ACTR3B: variants seen among roughly 807,000 people sequenced by gnomAD.
ACTR3B encodes the protein actin related protein 3B, also known as actin-related protein 3B.
ACTR3B carries 8 observed loss-of-function variants against 59.0 expected under a neutral mutation model. The ratio of observed to expected loss-of-function variants is 0.14; its 90% CI spans 0.08 to 0.24. The LOEUF (loss-of-function observed/expected upper bound fraction) is 0.24. Among genes scored for constraint, ACTR3B ranks in the 10% least tolerant of loss-of-function variants. The pLI, the probability that ACTR3B is intolerant of heterozygous loss-of-function variation, is 1.00. For missense variants in ACTR3B, 245 were observed against 552.3 expected (o/e 0.44, Z 5.58); for synonymous variants, 148 against 197.9 (o/e 0.75, Z 2.12).
At chr7:152,768,852 T>G (rs903707383) in intron 1 of ACTR3B, among the ~76,000 whole-genome samples, 1 of 151,640 alleles carries the variant, frequency 6.6e-6, no homozygotes, top group Non-Finnish European at 1.5e-5. Context: ...ATTTAGGGCT[T>G]CCAATTTTTT....
intron 2 of ACTR3B, among the ~76,000 whole-genome samples, chr7:152,796,328 G>T: frequency 6.6e-6 from 1 of 152,012 alleles, no homozygotes; most frequent in Admixed American, 6.6e-5. Context: ...TGGAATTGCT[G>T]GATAAACATA....
rs1213135099 is a variant in ACTR3B at position 152,783,827 on chromosome 7, C to T, written c.100+585C>T. On this transcript the variant is annotated intron_variant, in intron 2 of 11. Transcript: ENST00000256001. ...ATTCTTGGCTGGGCGTGGTGGCTCA[C>T]GCATGTAATCGCAGCACTTTGGGAG... Among the ~76,000 whole-genome samples the T allele has an allele frequency of 2.0e-5, 3 of 151,812 alleles. No individual in the cohort carries two copies. The South Asian group carries it at 6.2e-4, about 31-fold the overall frequency.
At chr7:152,765,496 C>A (rs1309261747) in intron 1 of ACTR3B, among the ~76,000 whole-genome samples, 1 of 151,434 alleles carries the variant, frequency 6.6e-6, no homozygotes, top group Non-Finnish European at 1.5e-5. Flanking sequence ...TCCCAAAAGC[C>A]ACCCCACTTC....
chr7:152,831,588 T>C (rs1797035727), intron 9 of ACTR3B, among the ~76,000 whole-genome samples: 1 of 152,206 alleles, frequency 6.6e-6, no homozygotes, highest in Admixed American at 6.5e-5. Context: ...CTGATGGCCG[T>C]CCTACAGGAC....
intron 6 of ACTR3B, among the ~76,000 whole-genome samples, chr7:152,818,856 A>C (rs575167483): frequency 6.6e-6 from 1 of 152,326 alleles, no homozygotes; most frequent in East Asian, 1.9e-4. Flanking sequence ...ATATAATACA[A>C]TCCTAAGGTT....
At chr7:152,775,526 G>A (rs1314883971) in intron 1 of ACTR3B, among the ~76,000 whole-genome samples, 1 of 152,226 alleles carries the variant, frequency 6.6e-6, no homozygotes, top group East Asian at 1.9e-4. Context: ...TTGGGAGGCC[G>A]AGGCGGGCAG....
intron 1 of ACTR3B, among the ~76,000 whole-genome samples, chr7:152,779,699 G>T (rs2116591865): frequency 6.6e-6 from 1 of 152,208 alleles, no homozygotes; most frequent in South Asian, 2.1e-4. Flanking sequence ...GTCTAGCATT[G>T]AGTTCTCCTC....
Position 152,826,592 on chromosome 7 carries a change from C to G in ACTR3B, c.951+1470C>G, listed in dbSNP as rs532619665. ...AAGCTAGCGGGTCATGTCCTTCCCA[C>G]TTCAATCCCACCTGACATTAGCTGT... is the stretch of plus-strand genomic sequence containing the variant. On this transcript the variant is annotated intron_variant, in intron 9 of 11. Transcript: ENST00000256001. Among the ~76,000 whole-genome samples the G allele has an allele frequency of 7.0e-4, 107 of 152,324 alleles. No individual in the cohort carries two copies. The Middle Eastern group carries it at 0.01, about 15-fold the overall frequency.
intron 2 of ACTR3B, among the ~76,000 whole-genome samples, chr7:152,798,291 G>A (rs2462100): frequency 1.3e-5 from 2 of 152,132 alleles, no homozygotes; most frequent in African/African-American, 4.8e-5. Context: ...GATTAGTGAT[G>A]TTGAGCATTT....
chr7:152,808,721 T>C (rs1406219499), intron 4 of ACTR3B, among the ~76,000 whole-genome samples: 1 of 152,238 alleles, frequency 6.6e-6, no homozygotes, highest in East Asian at 1.9e-4. Context: ...CTTGGGTTCC[T>C]ATTCAAGATG....
chr7:152,822,896 C>T (rs867574141), intron 7 of ACTR3B, among the ~76,000 whole-genome samples: 1 of 152,214 alleles, frequency 6.6e-6, no homozygotes, highest in Admixed American at 6.5e-5. Flanking sequence ...CCCAAAGAAG[C>T]CGCTGCAGTC....
intron 2 of ACTR3B, among the ~76,000 whole-genome samples, chr7:152,784,114 C>T (rs574788990): frequency 3.0e-4 from 46 of 152,106 alleles, no homozygotes; most frequent in Admixed American, 6.5e-4. Flanking sequence ...GATAGGATTC[C>T]CTGGAACTAT....
chr7:152,817,627 C>T (rs1329949023), intron 6 of ACTR3B, among the ~76,000 whole-genome samples: 1 of 152,084 alleles, frequency 6.6e-6, no homozygotes, highest in African/African-American at 2.4e-5. Context: ...CCTGGTCTTT[C>T]TCCTTTGAGG....
chr7:152,848,649 G>T (rs896955265), intron 9 of ACTR3B, among the ~76,000 whole-genome samples: 7 of 152,270 alleles, frequency 4.6e-5, no homozygotes, highest in Middle Eastern at 3.4e-3. Flanking sequence ...GCAGGACCAG[G>T]GGTCAGTTGA....
chr7:152,854,808 G>T lies in ACTR3B; in HGVS notation c.*255G>T. 4.6e-6 allele frequency: 2 copies of T among 430,950 alleles called. No homozygotes were observed. Among genetic ancestry groups the T allele is most frequent in the South Asian group, 3.9e-5 (1 of 25,396 alleles). 26.7% of individuals were successfully genotyped at this position (430,950 alleles called of 1,614,324 possible). On this transcript the variant is annotated 3_prime_UTR_variant, in exon 12 of 12. Coordinates refer to ENST00000256001, the MANE Select transcript of ACTR3B (RefSeq NM_020445.6). The surrounding 1 kb of genome is among the most constrained non-coding windows in gnomAD (Gnocchi z 4.9). ...CTCCCTCCTCCTCCTCCTCCGAGCT[G>T]CTAGCTGACAAATACAATTCTGAAG...
intron 2 of ACTR3B, among the ~76,000 whole-genome samples, chr7:152,794,233 T>A (rs1433428397): frequency 6.6e-6 from 1 of 152,198 alleles, no homozygotes; most frequent in Non-Finnish European, 1.5e-5. Flanking sequence ...TTATTATTAT[T>A]TTTTACACAG....
chr7:152,796,926 G>A (rs936915752), intron 2 of ACTR3B, among the ~76,000 whole-genome samples: 2 of 117,054 alleles, frequency 1.7e-5, no homozygotes, highest in African/African-American at 6.5e-5. Context: ...CCGTGTTGCC[G>A]AGACTGATCT....
At chr7:152,849,266 G>A (rs765354337) in intron 9 of ACTR3B, among the ~76,000 whole-genome samples, 16 of 152,180 alleles carry the variant, frequency 1.1e-4, no homozygotes, top group Non-Finnish European at 2.2e-4. Flanking sequence ...CCTTTAGGGG[G>A]TCTGCTATGC....
chr7:152,826,551 A>G (rs1292578465), intron 9 of ACTR3B, among the ~76,000 whole-genome samples: 1 of 152,244 alleles, frequency 6.6e-6, no homozygotes, highest in Non-Finnish European at 1.5e-5. Flanking sequence ...AAGAGACTGG[A>G]GTATGCAAAT....
Sources: gnomAD v4.1 joint callset for allele counts (sites outside exome capture counted in the v4.1 genomes callset) on GRCh38, gnomAD v4.1.1 for gene constraint, Gnocchi (gnomAD v3.1) non-coding constraint, MANE v1.5 for transcripts, NCBI Gene and HGNC (gene_info 2026-07-23, HGNC 2026-07-21) for gene names.